Variants in NAV2 observed in about 807,000 individuals in gnomAD.
NAV2 encodes helicase, APC down-regulated 1.
NAV2 carries 54 observed loss-of-function variants against 223.2 expected under a neutral mutation model. The ratio of observed to expected loss-of-function variants is 0.24; its 90% CI spans 0.19 to 0.30. NAV2 has a LOEUF of 0.30. Ranked by LOEUF, NAV2 falls within the 10% of genes least tolerant of loss-of-function variation. NAV2 has a pLI of 1.00. For synonymous variants in NAV2, 1,279 were observed against 1,239.3 expected (o/e 1.03, Z -0.67); for missense variants, 2,806 against 3,147.5 (o/e 0.89, Z 2.60).
At chr11:19,660,876 A>G (rs1227833319) in intron 1 of NAV2, among the ~76,000 whole-genome samples, 2 of 152,176 alleles carry the variant, frequency 1.3e-5, no homozygotes, top group Non-Finnish European at 2.9e-5. Flanking sequence ...CAAATGCTCT[A>G]AAAATTGAGG....
intron 1 of NAV2, among the ~76,000 whole-genome samples, chr11:19,534,189 C>G (rs1269733434): frequency 6.6e-6 from 1 of 152,214 alleles, no homozygotes; most frequent in Non-Finnish European, 1.5e-5. Context: ...TTAGTGCCTG[C>G]AGAGTGTTGG....
At chr11:20,014,048 G>A (rs143999305) in intron 11 of NAV2, among the ~76,000 whole-genome samples, 2 of 152,234 alleles carry the variant, frequency 1.3e-5, no homozygotes, top group African/African-American at 4.8e-5. Flanking sequence ...ACCGGGGCCA[G>A]TGGGAAAACT....
chr11:19,493,841 C>G (rs2042708278), intron 1 of NAV2, among the ~76,000 whole-genome samples: 1 of 152,244 alleles, frequency 6.6e-6, no homozygotes. Flanking sequence ...GTTCAATTCT[C>G]TATTTGCAGT....
intron 1 of NAV2, among the ~76,000 whole-genome samples, chr11:19,643,703 T>C (rs1344233682): frequency 6.6e-6 from 1 of 152,156 alleles, no homozygotes. Flanking sequence ...CTGGGTCAAG[T>C]GGTATTTCTA....
chr11:19,738,716 G>T (rs2152446864), intron 1 of NAV2, among the ~76,000 whole-genome samples: 1 of 152,268 alleles, frequency 6.6e-6, no homozygotes, highest in Middle Eastern at 3.4e-3. Context: ...TAGTGTTTGG[G>T]CTTTGTGAAG....
At chr11:19,585,284 A>T (rs1236148322) in intron 1 of NAV2, among the ~76,000 whole-genome samples, 2 of 152,080 alleles carry the variant, frequency 1.3e-5, no homozygotes, top group African/African-American at 4.8e-5. Flanking sequence ...TCTACCCGTG[A>T]GATGGGTTTC....
intron 11 of NAV2, among the ~76,000 whole-genome samples, chr11:19,993,529 A>G (rs538833707): frequency 2.0e-5 from 3 of 152,218 alleles, no homozygotes; most frequent in Non-Finnish European, 4.4e-5. Flanking sequence ...ACTAATGACT[A>G]TCATGCTTTT....
intron 10 of NAV2, among the ~76,000 whole-genome samples, chr11:19,983,655 A>G (rs920766646): frequency 4.6e-5 from 7 of 152,016 alleles, no homozygotes; most frequent in African/African-American, 1.7e-4. Flanking sequence ...CCACTCATCT[A>G]TCCTCTCTCC....
In NAV2 at chr11:19,989,649, GA is replaced by G. The variant is rs1344555974; in HGVS notation, c.2768+5403del. 3.9e-5 allele frequency among the ~76,000 whole-genome samples: 6 copies of G among 152,170 alleles called. No homozygotes were observed. In the East Asian group the frequency reaches 1.2e-3, roughly 29 times the overall value. On this transcript the variant is annotated intron_variant, in intron 11 of 37. Coordinates refer to ENST00000349880, the MANE Select transcript of NAV2 (RefSeq NM_145117.5). ...AAACCAGTAATAGTTGCCATTTCCTGATGGGTTGCTCTATGCCAGGAACTGT... is the reference window on the plus strand; with the variant it reads ...AAACCAGTAATAGTTGCCATTTCCTGTGGGTTGCTCTATGCCAGGAACTGT...
intron 11 of NAV2, among the ~76,000 whole-genome samples, chr11:20,025,101 T>C (rs900457079): frequency 6.6e-6 from 1 of 152,190 alleles, no homozygotes; most frequent in African/African-American, 2.4e-5. Flanking sequence ...AGATCTGTAT[T>C]CAAATCCAGC....
At chr11:19,492,744 T>C (rs2042671441) in intron 1 of NAV2, among the ~76,000 whole-genome samples, 1 of 152,230 alleles carries the variant, frequency 6.6e-6, no homozygotes, top group Admixed American at 6.5e-5. Context: ...AAATTTTGTC[T>C]TTCAGGATTT....
rs372314046 is a variant in NAV2 at position 20,107,693 on chromosome 11, G to A, written c.6871G>A (p.Asp2291Asn). The change falls in exon 36 of 38, where the codon GAT becomes AAT. Residue 2291 changes from aspartate (D) to asparagine (N), a missense_variant. By Grantham distance (23) the Asp-to-Asn change is conservative. Coordinates refer to ENST00000349880, the MANE Select transcript of NAV2 (RefSeq NM_145117.5). ...CCGGCTCTTCCTGTCATGCCCCATC[G>A]ATGTGGACGGCTCGAGAGTGTGGTT... Reference protein sequence around the residue: ...GPRLFLSCPIDVDGSRVWFTD... With the variant: ...GPRLFLSCPINVDGSRVWFTD... 4.3e-6 allele frequency: 7 copies of A among 1,613,980 alleles called. No individual in the cohort carries two copies. The highest frequency in any genetic ancestry group is 3.3e-5 in the Admixed American group (2 of 60,000).
intron 1 of NAV2, among the ~76,000 whole-genome samples, chr11:19,579,482 ATAGAGGTTGAAGTGTTT>A (rs2045656918): frequency 6.6e-6 from 1 of 152,178 alleles, no homozygotes; most frequent in Non-Finnish European, 1.5e-5. Flanking sequence ...GCAGCTGATT[ATAGAGGTTGAAGTGTTT>A]TAGAATCACT....
At chr11:19,979,037 A>G (rs1178440712) in intron 10 of NAV2, 1 of 152,184 alleles carries the variant, frequency 6.6e-6, no homozygotes, top group East Asian at 1.9e-4. Flanking sequence ...GTCAGTTACC[A>G]ACCTATTCTG....
chr11:19,695,829 G>C (rs183925468), intron 1 of NAV2, among the ~76,000 whole-genome samples: 1 of 151,754 alleles, frequency 6.6e-6, no homozygotes, highest in Non-Finnish European at 1.5e-5. Flanking sequence ...ACTTGAACTC[G>C]GGAGACGGAG....
chr11:19,596,977 G>GTGGCCACACCTAGC (rs1395144613), intron 1 of NAV2, among the ~76,000 whole-genome samples: 4 of 152,194 alleles, frequency 2.6e-5, no homozygotes, highest in African/African-American at 9.7e-5. Context: ...AGGCTAGAAG[G>GTGGCCACACCTAGC]TGGCCACACC....
At chr11:19,593,502 T>A (rs2046118632) in intron 1 of NAV2, among the ~76,000 whole-genome samples, 1 of 152,212 alleles carries the variant, frequency 6.6e-6, no homozygotes, top group Non-Finnish European at 1.5e-5. Context: ...GCTATAAATA[T>A]TTGTGTATAG....
At position 20,003,334 on chromosome 11, in the gene NAV2, A is replaced by AG. The variant is rs1164706798; in HGVS notation, c.2768+19091dup. On this transcript the variant is annotated intron_variant, in intron 11 of 37. Coordinates refer to ENST00000349880, the MANE Select transcript of NAV2 (RefSeq NM_145117.5). ...TATTTTATCTGCATATCCATTTATG[A>AG]GGGGAAAAACTATGGCCACTACCCT... Among the ~76,000 whole-genome samples, 72 of 152,290 alleles carry AG rather than the reference A, an allele frequency of 4.7e-4. 1 individual carries two copies. The highest frequency in any genetic ancestry group is 4.6e-3 in the Admixed American group (71 of 15,290).
chr11:19,986,612 G>C (rs1312562207), intron 11 of NAV2, among the ~76,000 whole-genome samples: 2 of 152,244 alleles, frequency 1.3e-5, no homozygotes, highest in South Asian at 2.1e-4. Context: ...CTGGGCAACA[G>C]AGTGAGACTC....
Sources: gnomAD v4.1 joint callset for allele counts (sites outside exome capture counted in the v4.1 genomes callset) on GRCh38, gnomAD v4.1.1 for gene constraint, MANE v1.5 for transcripts, NCBI Gene and HGNC (gene_info 2026-07-23, HGNC 2026-07-21) for gene names.